Variants in FLT1 observed in about 807,000 individuals in gnomAD.
FLT1 encodes vascular endothelial growth factor receptor 1.
In FLT1, 49 loss-of-function variants were observed where a neutral mutation model predicts 156.3. The observed-to-expected ratio is 0.31, with a 90% CI of 0.25 to 0.40. The LOEUF (loss-of-function observed/expected upper bound fraction) is 0.40, where lower values mean the gene tolerates loss of function less well. Ranked by LOEUF, FLT1 falls within the 10% of genes least tolerant of loss-of-function variation. FLT1 has a pLI of 1.00. For synonymous variants in FLT1, 594 were observed against 583.8 expected (o/e 1.02, Z -0.25); for missense variants, 1,322 against 1,637.2 (o/e 0.81, Z 3.32).
At position 28,358,742 on chromosome 13, in the gene FLT1, C is replaced by T. The variant is rs1040711104; in HGVS notation, c.2117-1057G>A. On this transcript the variant is annotated intron_variant, in intron 14 of 29. Transcript: ENST00000282397. The stretch of plus-strand genomic sequence containing the variant: ...TTCTCTCTCTCCCACACATGCTCAA[C>T]ACATACACTCACACACACAAGCCAA... 5.1e-4 allele frequency among the ~76,000 whole-genome samples: 77 copies of T among 152,200 alleles called. 1 individual carries two copies. Among genetic ancestry groups the T allele is most frequent in the African/African-American group, 1.8e-3 (73 of 41,444 alleles).
At chr13:28,391,943 G>C (rs1593738231) in intron 12 of FLT1, among the ~76,000 whole-genome samples, 1 of 152,104 alleles carries the variant, frequency 6.6e-6, no homozygotes, top group East Asian at 1.9e-4. Flanking sequence ...CAAAGAATTT[G>C]GGCCAACATC....
intron 14 of FLT1, among the ~76,000 whole-genome samples, chr13:28,366,884 G>T (rs141696902): frequency 6.6e-6 from 1 of 152,088 alleles, no homozygotes; most frequent in Non-Finnish European, 1.5e-5. Flanking sequence ...TTTCTTATCT[G>T]CCCACTCCAC....
At chr13:28,429,007 T>G (rs1877516899) in intron 8 of FLT1, among the ~76,000 whole-genome samples, 1 of 152,136 alleles carries the variant, frequency 6.6e-6, no homozygotes, top group Non-Finnish European at 1.5e-5. Context: ...ACTTAGTTAC[T>G]GAAGAAATCA....
chr13:28,484,368 AG>A (rs1258398215), intron 1 of FLT1, among the ~76,000 whole-genome samples: 2 of 152,184 alleles, frequency 1.3e-5, no homozygotes, highest in East Asian at 3.8e-4. Flanking sequence ...GAGCTTTTCT[AG>A]AATAAAGTGC....
intron 3 of FLT1, among the ~76,000 whole-genome samples, chr13:28,449,943 G>A (rs145345167): frequency 1.6e-3 from 245 of 152,282 alleles, no homozygotes; most frequent in African/African-American, 5.7e-3. Context: ...CTCTGGCTTC[G>A]CCTAAGCCCC....
At chr13:28,383,102 T>C (rs544393423) in intron 14 of FLT1, among the ~76,000 whole-genome samples, 3 of 152,336 alleles carry the variant, frequency 2.0e-5, no homozygotes, top group South Asian at 4.1e-4. Context: ...TTCATTGTAC[T>C]CTTATTTAAC....
intron 1 of FLT1, among the ~76,000 whole-genome samples, chr13:28,484,687 C>A (rs1027860179): frequency 6.6e-6 from 1 of 152,120 alleles, no homozygotes; most frequent in Non-Finnish European, 1.5e-5. Context: ...GAGGGAAAGA[C>A]TAGCACAGTC....
At chr13:28,386,365 A>G (rs1874363777) in intron 13 of FLT1, 1 of 1,006,414 alleles carries the variant, frequency 9.9e-7, no homozygotes, top group Admixed American at 5.6e-5. Context: ...ATATCATGGC[A>G]GGGTTACTAT....
chr13:28,474,964 G>A (rs964820456), intron 1 of FLT1, among the ~76,000 whole-genome samples: 23 of 152,190 alleles, frequency 1.5e-4, no homozygotes, highest in Admixed American at 1.3e-4. Flanking sequence ...TTTGAAATTT[G>A]TTGCCACATA....
Position 28,494,868 on chromosome 13 carries a change from C to G in FLT1, c.-25G>C. On this transcript the variant is annotated 5_prime_UTR_variant, in exon 1 of 30. Coordinates refer to ENST00000282397, the MANE Select transcript of FLT1 (RefSeq NM_002019.4). ...TGGTGAGCGCGACGCGGCCTGCTCG[C>G]CCGGTGCCCGCGCTCCCCGCGGCCA... is the stretch of plus-strand genomic sequence containing the variant. 1 of 1,521,356 alleles carries G rather than the reference C, an allele frequency of 6.6e-7. No individual in the cohort carries two copies. The highest frequency in any genetic ancestry group is 8.8e-7 in the Non-Finnish European group (1 of 1,139,442). 94.2% of individuals were successfully genotyped at this position (1,521,356 alleles called of 1,614,324 possible).
intron 10 of FLT1, among the ~76,000 whole-genome samples, chr13:28,419,078 A>G (rs149019566): frequency 1.1e-4 from 17 of 152,304 alleles, no homozygotes; most frequent in African/African-American, 4.1e-4. Flanking sequence ...AATGAAGTAG[A>G]CCATTGCATT....
At chr13:28,410,175 T>C (rs1876069409) in intron 10 of FLT1, among the ~76,000 whole-genome samples, 1 of 152,196 alleles carries the variant, frequency 6.6e-6, no homozygotes, top group African/African-American at 2.4e-5. Flanking sequence ...TATTTTTAGA[T>C]TTTCTTCACT....
intron 10 of FLT1, among the ~76,000 whole-genome samples, chr13:28,419,117 C>T (rs1404087357): frequency 1.3e-5 from 2 of 152,134 alleles, no homozygotes; most frequent in Non-Finnish European, 2.9e-5. Flanking sequence ...TAGGAGGCTT[C>T]TAGAGAAAGT....
In FLT1 at chr13:28,443,717, A is replaced by G. The variant is rs376589850; in HGVS notation, c.389-5372T>C. Among the ~76,000 whole-genome samples the G allele has an allele frequency of 4.6e-5, 7 of 152,350 alleles. No individual in the cohort carries two copies. In the East Asian group the frequency reaches 1.3e-3, roughly 29 times the overall value. On this transcript the variant is annotated intron_variant, in intron 3 of 29. Transcript: ENST00000282397. ...CTAGACATAAGAGTTTTCACATCAC[A>G]CAGATCTTCATATTGTGGACCGTAA...
chr13:28,464,050 C>T (rs942083916), intron 3 of FLT1, among the ~76,000 whole-genome samples: 4 of 152,116 alleles, frequency 2.6e-5, no homozygotes, highest in African/African-American at 9.7e-5. Flanking sequence ...GAAGGCTCTT[C>T]TATGGTTACC....
chr13:28,473,835 A>AAGGAAGGAAGGAAGG (rs1566051004), intron 1 of FLT1, among the ~76,000 whole-genome samples: 1 of 118,848 alleles, frequency 8.4e-6, no homozygotes, highest in East Asian at 2.1e-4. Flanking sequence ...AGAAAGAAAG[A>AAGGAAGGAAGGAAGG]AAGGAAGAAA....
At chr13:28,460,816 ACACAC>A (rs1879533067) in intron 3 of FLT1, among the ~76,000 whole-genome samples, 3 of 151,916 alleles carry the variant, frequency 2.0e-5, no homozygotes, top group African/African-American at 7.3e-5. Flanking sequence ...ACACACACAC[ACACAC>A]ACACACACGC....
chr13:28,320,765 G>C (rs1046782662), intron 23 of FLT1, among the ~76,000 whole-genome samples: 1 of 152,060 alleles, frequency 6.6e-6, no homozygotes, highest in African/African-American at 2.4e-5. Flanking sequence ...ACACTGTAGC[G>C]TAACAAGCCT....
chr13:28,301,067 A>AT lies in FLT1; in HGVS notation c.*2099dup. 1 of 232,244 alleles carries AT rather than the reference A, an allele frequency of 4.3e-6. No homozygotes were observed. Among genetic ancestry groups the AT allele is most frequent in the Non-Finnish European group, 8.5e-6 (1 of 117,594 alleles). The allele number at this position is 232,244 out of a possible 1,614,324, so 14.4% of individuals were successfully genotyped here. ...TTTTGCTTTTCTCTTGAAAAGGAGT[A>AT]TTTATTATGGTCTCTTAATGATTAA... On this transcript the variant is annotated 3_prime_UTR_variant, in exon 30 of 30. Transcript: ENST00000282397.
Sources: gnomAD v4.1 joint callset for allele counts (sites outside exome capture counted in the v4.1 genomes callset) on GRCh38, gnomAD v4.1.1 for gene constraint, MANE v1.5 for transcripts, NCBI Gene and HGNC (gene_info 2026-07-23, HGNC 2026-07-21) for gene names.